LPP: variants seen among roughly 807,000 people sequenced by gnomAD.
The protein encoded by LPP is LIM domain containing preferred translocation partner in lipoma, also known as lipoma-preferred partner.
In LPP, 38 loss-of-function variants were observed where a neutral mutation model predicts 60.4. The ratio of observed to expected loss-of-function variants is 0.63; its 90% CI spans 0.49 to 0.83. The LOEUF is 0.83. LPP is among the 40% of genes least tolerant of loss of function. LPP has a pLI of 0.00. For missense variants in LPP, 902 were observed against 783.6 expected (o/e 1.15, Z -1.80); for synonymous variants, 328 against 290.8 (o/e 1.13, Z -1.30).
At chr3:188,645,678 G>C (rs1850981078) in intron 7 of LPP, among the ~76,000 whole-genome samples, 1 of 151,860 alleles carries the variant, frequency 6.6e-6, no homozygotes, top group Admixed American at 6.6e-5. Flanking sequence ...TAAACCTACT[G>C]AGCCCTTCTT....
chr3:188,817,522 G>A (rs1180078612), intron 9 of LPP, among the ~76,000 whole-genome samples: 5 of 152,134 alleles, frequency 3.3e-5, no homozygotes, highest in Non-Finnish European at 4.4e-5. Flanking sequence ...GTTTCAATTC[G>A]TATGCCATGT....
chr3:188,511,175 T>C (rs997413765), intron 5 of LPP, among the ~76,000 whole-genome samples: 2 of 123,012 alleles, frequency 1.6e-5, no homozygotes, highest in Non-Finnish European at 3.4e-5. Context: ...CTCCTTCCTT[T>C]CTACCTGACT....
intron 9 of LPP, among the ~76,000 whole-genome samples, chr3:188,865,626 T>C (rs1462276687): frequency 6.6e-6 from 1 of 152,078 alleles, no homozygotes; most frequent in East Asian, 1.9e-4. Context: ...TGAACCAGAG[T>C]GGTATAGTTC....
At chr3:188,251,824 T>C (rs1729739030) in intron 2 of LPP, among the ~76,000 whole-genome samples, 1 of 151,714 alleles carries the variant, frequency 6.6e-6, no homozygotes, top group South Asian at 2.1e-4. Context: ...TTCAAATGCT[T>C]CAGTTTGCTT....
intron 6 of LPP, 134 bp downstream of exon 6, chr3:188,524,921 T>G (rs375581769): frequency 0.035 from 21,517 of 607,046 alleles, 2,369 homozygotes; most frequent in South Asian, 0.077. Context: ...CCTTCCTTCC[T>G]TCCTTCCTTC....
At chr3:188,741,143 G>A (rs754437971) in intron 8 of LPP, among the ~76,000 whole-genome samples, 4 of 150,488 alleles carry the variant, frequency 2.7e-5, no homozygotes, top group African/African-American at 7.3e-5. Context: ...TTTCCGAAAC[G>A]TGTTATTTAA....
At chr3:188,815,580 T>TA (rs1752242407) in intron 9 of LPP, among the ~76,000 whole-genome samples, 1 of 152,158 alleles carries the variant, frequency 6.6e-6, no homozygotes, top group Non-Finnish European at 1.5e-5. Context: ...AATTGACTCT[T>TA]ACGCTTAGGC....
intron 4 of LPP, among the ~76,000 whole-genome samples, chr3:188,459,362 A>T (rs1019101364): frequency 6.6e-6 from 1 of 152,164 alleles, no homozygotes; most frequent in Admixed American, 6.5e-5. Flanking sequence ...GAAAAGTAAG[A>T]GAAAAGAGGA....
At chr3:188,343,258 C>A (rs571612006) in intron 3 of LPP, among the ~76,000 whole-genome samples, 23 of 151,954 alleles carry the variant, frequency 1.5e-4, no homozygotes. Context: ...TGAGAACATG[C>A]GGTGTTTGGA....
intron 6 of LPP, among the ~76,000 whole-genome samples, chr3:188,574,947 C>T (rs755199674): frequency 4.6e-5 from 7 of 151,674 alleles, no homozygotes; most frequent in Non-Finnish European, 7.4e-5. Flanking sequence ...GTTACGTTTG[C>T]GGCAGATGAG....
At chr3:188,603,328 T>C (rs1017202451) in intron 6 of LPP, among the ~76,000 whole-genome samples, 1 of 140,832 alleles carries the variant, frequency 7.1e-6, no homozygotes, top group Non-Finnish European at 1.5e-5. Flanking sequence ...AAACTACGGA[T>C]AGACTGATAA....
At chr3:188,733,242 CAAAA>C (rs1721287455) in intron 8 of LPP, among the ~76,000 whole-genome samples, 1 of 151,822 alleles carries the variant, frequency 6.6e-6, no homozygotes, top group Admixed American at 6.6e-5. Flanking sequence ...CGTCTACAGT[CAAAA>C]GTTCTCAACC....
At position 188,785,549 on chromosome 3, in the gene LPP, C is replaced by CAT. The variant is rs1560201818; in HGVS notation, c.1410+25268_1410+25269insTA. 2.0e-4 allele frequency among the ~76,000 whole-genome samples: 19 copies of CAT among 94,564 alleles called. 2 individuals are homozygous for CAT. The highest frequency in any genetic ancestry group is 8.9e-4 in the African/African-American group (19 of 21,446). 62.0% of individuals were successfully genotyped at this position (94,564 alleles called of 152,430 possible). On this transcript the variant is annotated intron_variant, in intron 9 of 11. Coordinates refer to ENST00000617246, the MANE Select transcript of LPP (RefSeq NM_001375462.1). Reference sequence around the variant, plus strand: ...ATATATTCCATCATATATATATATACACACACACACACACACACACACACA... The same window carrying CAT: ...ATATATTCCATCATATATATATATACATACACACACACACACACACACACACA...
chr3:188,356,245 A>G lies in LPP; in HGVS notation c.-10+14526A>G, dbSNP rs759191219. 1.2e-3 allele frequency among the ~76,000 whole-genome samples: 179 copies of G among 152,202 alleles called. 2 individuals are homozygous for G. The highest frequency in any genetic ancestry group is 2.0e-3 in the Non-Finnish European group (137 of 68,034). ...AAAAGGGCAGAGTCTTAGAACATAAATATTATATATGTGGAAAAGGGCAAC... is the reference window on the plus strand; with the variant it reads ...AAAAGGGCAGAGTCTTAGAACATAAGTATTATATATGTGGAAAAGGGCAAC... On this transcript the variant is annotated intron_variant, in intron 3 of 11. Coordinates refer to ENST00000617246, the MANE Select transcript of LPP (RefSeq NM_001375462.1).
chr3:188,390,534 C>G (rs1236368796), intron 3 of LPP, among the ~76,000 whole-genome samples: 2 of 151,498 alleles, frequency 1.3e-5, no homozygotes, highest in Non-Finnish European at 2.9e-5. Flanking sequence ...GAAATTAAGG[C>G]TCAGTGAGGC....
rs201478647 is a variant in LPP at position 188,708,429 on chromosome 3, A to G, written c.1240+36A>G. The G allele has an allele frequency of 4.5e-4, 726 of 1,614,020 alleles. No homozygotes were observed. The African/African-American group carries it at 6.4e-3, about 14-fold the overall frequency. ...CCTAGAGCTGACTTCTGAAGTAACT[A>G]TCTTGCTCTGATTTCCTTCCTTAGT... is the stretch of plus-strand genomic sequence containing the variant. On this transcript the variant is annotated intron_variant, in intron 8 of 11. Coordinates refer to ENST00000617246, the MANE Select transcript of LPP (RefSeq NM_001375462.1).
rs182572325 is a variant in LPP, at chr3:188,440,855, A to G, written c.193+34542A>G. Among the ~76,000 whole-genome samples the G allele has an allele frequency of 1.4e-3, 207 of 152,252 alleles. 2 individuals are homozygous for G. The highest frequency in any genetic ancestry group is 4.6e-3 in the African/African-American group (192 of 41,568). On this transcript the variant is annotated intron_variant, in intron 4 of 11. Coordinates refer to ENST00000617246, the MANE Select transcript of LPP (RefSeq NM_001375462.1). ...CTTCTGCTGGCATAGAAAACTTTGC[A>G]TAAAGAAAGGCAACAGAGCAACTGC...
At chr3:188,517,608 C>T (rs1387606957) in intron 5 of LPP, among the ~76,000 whole-genome samples, 1 of 152,110 alleles carries the variant, frequency 6.6e-6, no homozygotes. Flanking sequence ...ACTTATAGTT[C>T]CACATGGCTG....
chr3:188,528,741 T>C (rs1820434), intron 6 of LPP, among the ~76,000 whole-genome samples: 70,730 of 151,878 alleles, frequency 0.47, 17,285 homozygotes, highest in East Asian at 0.92. Context: ...GTTTGAGCAC[T>C]GCGTGAGCAC....
Sources: allele counts gnomAD v4.1 joint callset (sites outside exome capture counted in the v4.1 genomes callset), GRCh38; gene constraint gnomAD v4.1.1; transcripts MANE v1.5; gene names NCBI Gene and HGNC (gene_info 2026-07-23, HGNC 2026-07-21).